Variants in DPYD observed in about 807,000 individuals in gnomAD.
DPYD encodes dihydropyrimidine dehydrogenase [NADP(+)].
DPYD carries 109 observed loss-of-function variants against 116.2 expected under a neutral mutation model. The observed-to-expected ratio is 0.94, with a 90% CI of 0.80 to 1.10. The LOEUF is 1.10. Ranked by LOEUF, DPYD falls within the 50% of genes least tolerant of loss-of-function variation. The pLI is 0.00. For missense variants in DPYD, 1,302 were observed against 1,254.5 expected, an observed-to-expected ratio of 1.04 and a Z score of -0.57; for synonymous variants, 440 against 432.0, an observed-to-expected ratio of 1.02 and a Z score of -0.23.
At position 97,498,473 on chromosome 1, in the gene DPYD, C is replaced by T. The variant is rs567004246; in HGVS notation, c.1740+17253G>A. On this transcript the variant is annotated intron_variant, in intron 13 of 22. Transcript: ENST00000370192. The stretch of plus-strand genomic sequence containing the variant: ...CTAAATATACACACACAGTACTTTG[C>T]CTCTCTCTCTCTTTCTCTGTGTGTG... Among the ~76,000 whole-genome samples the T allele has an allele frequency of 1.2e-4, 17 of 138,448 alleles. No homozygotes were observed. In the South Asian group the frequency reaches 3.6e-3, roughly 29 times the overall value. The allele number at this position is 138,448 out of a possible 152,430, so 90.8% of individuals were successfully genotyped here. A position where few individuals can be genotyped will look rare whatever the true frequency, so the allele number is the denominator to read the frequency against.
intron 18 of DPYD, among the ~76,000 whole-genome samples, chr1:97,259,169 A>G (rs906986913): frequency 1.3e-5 from 2 of 152,138 alleles, no homozygotes; most frequent in African/African-American, 2.4e-5. Flanking sequence ...TATCTCCAGT[A>G]CTGTAAAACT....
At chr1:97,585,198 A>G (rs559848681) in intron 10 of DPYD, among the ~76,000 whole-genome samples, 2 of 152,278 alleles carry the variant, frequency 1.3e-5, no homozygotes, top group South Asian at 2.1e-4. Context: ...GAATTCATCA[A>G]TCCAATAAAG....
At chr1:97,631,642 A>C (rs1214916827) in intron 8 of DPYD, among the ~76,000 whole-genome samples, 1 of 152,134 alleles carries the variant, frequency 6.6e-6, no homozygotes, top group Admixed American at 6.6e-5. Flanking sequence ...TATATGAATT[A>C]ATTTTATATG....
chr1:97,360,700 G>A (rs1414572500), intron 16 of DPYD, among the ~76,000 whole-genome samples: 2 of 152,100 alleles, frequency 1.3e-5, no homozygotes, highest in African/African-American at 4.8e-5. Context: ...GCTCCTGAAC[G>A]ACTACTGGGT....
chr1:97,253,152 A>G (rs1461303452), intron 18 of DPYD, among the ~76,000 whole-genome samples: 1 of 152,156 alleles, frequency 6.6e-6, no homozygotes, highest in Non-Finnish European at 1.5e-5. Flanking sequence ...ATTATTCACA[A>G]TGGCACATTT....
chr1:97,290,445 G>A (rs1256959371), intron 18 of DPYD, among the ~76,000 whole-genome samples: 2 of 152,042 alleles, frequency 1.3e-5, no homozygotes, highest in Non-Finnish European at 2.9e-5. Flanking sequence ...ATACTACAAG[G>A]CTACAGTAAC....
intron 13 of DPYD, among the ~76,000 whole-genome samples, chr1:97,505,289 T>A (rs1488239320): frequency 6.6e-6 from 1 of 151,942 alleles, no homozygotes; most frequent in East Asian, 1.9e-4. Context: ...ACATTTAAAT[T>A]CCTAACCCCA....
chr1:97,830,672 G>A (rs917581206), intron 2 of DPYD, among the ~76,000 whole-genome samples: 1 of 151,122 alleles, frequency 6.6e-6, no homozygotes, highest in African/African-American at 2.4e-5. Flanking sequence ...TTCGCGCCAC[G>A]GCACTCCAGC....
At chr1:97,322,318 A>G (rs1043363950) in intron 16 of DPYD, among the ~76,000 whole-genome samples, 1 of 149,704 alleles carries the variant, frequency 6.7e-6, no homozygotes, top group African/African-American at 2.4e-5. Context: ...GGAGCTGGAA[A>G]GAAATATCTA....
intron 14 of DPYD, among the ~76,000 whole-genome samples, chr1:97,430,485 T>G (rs1478798143): frequency 6.6e-6 from 1 of 152,138 alleles, no homozygotes; most frequent in Non-Finnish European, 1.5e-5. Flanking sequence ...AAGACTGATT[T>G]TTATAGATTA....
chr1:97,183,128 T>C (rs1657761065), intron 20 of DPYD, among the ~76,000 whole-genome samples: 1 of 139,300 alleles, frequency 7.2e-6, no homozygotes, highest in South Asian at 2.4e-4. Context: ...TAAAGATATT[T>C]ACTTAATGTT....
intron 20 of DPYD, among the ~76,000 whole-genome samples, chr1:97,175,718 A>G (rs1031738338): frequency 6.6e-6 from 1 of 152,142 alleles, no homozygotes; most frequent in Non-Finnish European, 1.5e-5. Flanking sequence ...TCCTACCTAA[A>G]CCACCTAATG....
At chr1:97,544,611 C>G (rs1454907858) in intron 12 of DPYD, among the ~76,000 whole-genome samples, 2 of 148,832 alleles carry the variant, frequency 1.3e-5, no homozygotes, top group Admixed American at 6.7e-5. Flanking sequence ...AAAATAATTT[C>G]TTTTTTTTTC....
intron 14 of DPYD, among the ~76,000 whole-genome samples, chr1:97,439,641 T>A (rs1675644132): frequency 6.6e-6 from 1 of 152,124 alleles, no homozygotes; most frequent in East Asian, 1.9e-4. Flanking sequence ...TTGGTCAATT[T>A]TTTTCGTCTC....
intron 2 of DPYD, among the ~76,000 whole-genome samples, chr1:97,832,173 G>A (rs1012334127): frequency 6.6e-6 from 1 of 151,168 alleles, no homozygotes; most frequent in Non-Finnish European, 1.5e-5. Flanking sequence ...TAATCTGCAT[G>A]ACAACCATAT....
At chr1:97,592,316 C>T (rs546708240) in intron 10 of DPYD, among the ~76,000 whole-genome samples, 1 of 152,074 alleles carries the variant, frequency 6.6e-6, no homozygotes, top group Non-Finnish European at 1.5e-5. Context: ...CGATACCTCA[C>T]CCAAGACTAC....
At chr1:97,611,380 T>C (rs1655934676) in intron 8 of DPYD, among the ~76,000 whole-genome samples, 1 of 151,934 alleles carries the variant, frequency 6.6e-6, no homozygotes, top group Non-Finnish European at 1.5e-5. Context: ...GAGAGTTGGG[T>C]GGGGACAGAG....
chr1:97,583,132 C>T (rs1458461084), intron 10 of DPYD, among the ~76,000 whole-genome samples: 1 of 151,920 alleles, frequency 6.6e-6, no homozygotes, highest in Non-Finnish European at 1.5e-5. Flanking sequence ...CCACACCCCG[C>T]TAATTTTTTT....
chr1:97,145,260 A>G (rs183370848), intron 20 of DPYD, among the ~76,000 whole-genome samples: 1 of 152,304 alleles, frequency 6.6e-6, no homozygotes, highest in Non-Finnish European at 1.5e-5. Flanking sequence ...TAAACACAAA[A>G]TAATAGACCA....
Sources: allele counts gnomAD v4.1 joint callset (sites outside exome capture counted in the v4.1 genomes callset), GRCh38; gene constraint gnomAD v4.1.1; transcripts MANE v1.5; gene names NCBI Gene and HGNC (gene_info 2026-07-23, HGNC 2026-07-21).